The following ADARB2 variants were observed in gnomAD, a reference collection of about 807,000 sequenced individuals.
ADARB2 encodes the protein inactive double-stranded RNA-specific editase B2.
Under a neutral mutation model 62.2 loss-of-function variants are expected in ADARB2, and 25 were observed. The ratio of observed to expected loss-of-function variants is 0.40; its 90% CI spans 0.29 to 0.56. The LOEUF (loss-of-function observed/expected upper bound fraction) is 0.56, where lower values mean the gene tolerates loss of function less well. Ranked by LOEUF, ADARB2 falls within the 20% of genes least tolerant of loss-of-function variation. The pLI is 0.43. For missense variants in ADARB2, 1,071 were observed against 1,077.4 expected, an observed-to-expected ratio of 0.99 and a Z score of 0.08; for synonymous variants, 572 against 500.8, an observed-to-expected ratio of 1.14 and a Z score of -1.90.
chr10:1,371,784 TAAAAA>T (rs71379114), intron 2 of ADARB2, among the ~76,000 whole-genome samples: 2 of 125,802 alleles, frequency 1.6e-5, no homozygotes, highest in Non-Finnish European at 3.3e-5. Context: ...TATTAAAAAG[TAAAAA>T]AAAAAAAAAA....
intron 1 of ADARB2, among the ~76,000 whole-genome samples, chr10:1,463,001 C>G (rs533115876): frequency 6.7e-5 from 8 of 118,748 alleles, no homozygotes; most frequent in African/African-American, 2.6e-4. Flanking sequence ...AGGGAAAGTA[C>G]GTTTCTGGGG....
In ADARB2 at chr10:1,211,708, AGT is replaced by A. The variant is rs568169535; in HGVS notation, c.1682+5241_1682+5242del. On this transcript the variant is annotated intron_variant, in intron 7 of 9. Transcript: ENST00000381312. The stretch of plus-strand genomic sequence containing the variant: ...TCACTGTGGCCAATTTCAAGGGCCC[AGT>A]GTGAGGTCACTGAGCAGGTTTGGGC... Among the ~76,000 whole-genome samples the A allele has an allele frequency of 2.6e-3, 392 of 152,338 alleles. 1 individual carries two copies. The highest frequency in any genetic ancestry group is 8.6e-3 in the African/African-American group (358 of 41,582).
chr10:1,345,676 T>C (rs778730897), intron 3 of ADARB2, among the ~76,000 whole-genome samples: 79 of 152,322 alleles, frequency 5.2e-4, no homozygotes, highest in Non-Finnish European at 8.8e-4. Flanking sequence ...GCACCCCTTC[T>C]TTTTTGAGGG....
intron 1 of ADARB2, among the ~76,000 whole-genome samples, chr10:1,682,959 G>A (rs1339684317): frequency 6.6e-6 from 1 of 152,164 alleles, no homozygotes; most frequent in African/African-American, 2.4e-5. Flanking sequence ...CCGAATGCCG[G>A]CGGTAACACA....
intron 3 of ADARB2, among the ~76,000 whole-genome samples, chr10:1,360,696 C>T (rs529005156): frequency 2.0e-5 from 3 of 152,302 alleles, no homozygotes; most frequent in Non-Finnish European, 2.9e-5. Flanking sequence ...CCTTGGACGC[C>T]GCGTGCAGAG....
intron 3 of ADARB2, among the ~76,000 whole-genome samples, chr10:1,357,750 A>C (rs1431163961): frequency 6.6e-6 from 1 of 152,218 alleles, no homozygotes. Flanking sequence ...ATTGCACCAT[A>C]AAAACAATGA....
intron 3 of ADARB2, among the ~76,000 whole-genome samples, chr10:1,284,537 G>A (rs1339350281): frequency 1.3e-5 from 2 of 152,192 alleles, no homozygotes; most frequent in Non-Finnish European, 2.9e-5. Flanking sequence ...TCCCTGCTGG[G>A]AACTGTTAAC....
At chr10:1,230,895 C>T (rs1275246045) in intron 6 of ADARB2, among the ~76,000 whole-genome samples, 1 of 152,158 alleles carries the variant, frequency 6.6e-6, no homozygotes, top group East Asian at 1.9e-4. Context: ...ATTTTTTCTC[C>T]TACCAGCACC....
chr10:1,310,370 ACTTCATTGACTCTGAATAACATTC>A (rs879348174), intron 3 of ADARB2, among the ~76,000 whole-genome samples: 4,567 of 151,344 alleles, frequency 0.03, 94 homozygotes, highest in African/African-American at 0.038. Flanking sequence ...AATGAGAAAA[ACTTCATTGACTCTGAATAACATTC>A]CTTCATTGAC....
At chr10:1,600,007 A>T (rs998926850) in intron 1 of ADARB2, among the ~76,000 whole-genome samples, 2 of 152,186 alleles carry the variant, frequency 1.3e-5, no homozygotes, top group Non-Finnish European at 2.9e-5. Flanking sequence ...GGCCTCCCAA[A>T]GTGCTGGGAT....
At chr10:1,628,867 C>T (rs184723242) in intron 1 of ADARB2, among the ~76,000 whole-genome samples, 200 of 152,362 alleles carry the variant, frequency 1.3e-3, no homozygotes, top group East Asian at 4.4e-3. Flanking sequence ...CAGCGAATCA[C>T]GGCTGCCCAG....
intron 3 of ADARB2, among the ~76,000 whole-genome samples, chr10:1,328,289 G>C (rs189036139): frequency 6.6e-6 from 1 of 152,222 alleles, no homozygotes; most frequent in African/African-American, 2.4e-5. Flanking sequence ...ACGAAGGGCA[G>C]CATCCAGGAA....
intron 1 of ADARB2, among the ~76,000 whole-genome samples, chr10:1,472,617 C>T (rs1323366583): frequency 6.6e-6 from 1 of 152,234 alleles, no homozygotes; most frequent in Non-Finnish European, 1.5e-5. Context: ...GGCCCAGCAG[C>T]CTCCTGGTCT....
intron 1 of ADARB2, among the ~76,000 whole-genome samples, chr10:1,530,222 G>A (rs1291810338): frequency 6.6e-6 from 1 of 152,206 alleles, no homozygotes; most frequent in East Asian, 1.9e-4. Context: ...CGAGTTGCCC[G>A]ACCGAAACGC....
chr10:1,253,585 CTG>C (rs765367209), intron 4 of ADARB2, among the ~76,000 whole-genome samples: 2 of 152,202 alleles, frequency 1.3e-5, no homozygotes, highest in African/African-American at 2.4e-5. Flanking sequence ...GGATAAAAAA[CTG>C]TGCAGTCTCA....
intron 3 of ADARB2, among the ~76,000 whole-genome samples, chr10:1,309,339 C>A (rs954385378): frequency 5.9e-5 from 9 of 152,174 alleles, no homozygotes; most frequent in African/African-American, 2.2e-4. Flanking sequence ...TGCCTATAGA[C>A]CAAAATCCTC....
At chr10:1,230,175 C>G (rs542072308) in intron 6 of ADARB2, among the ~76,000 whole-genome samples, 1 of 152,138 alleles carries the variant, frequency 6.6e-6, no homozygotes, top group South Asian at 2.1e-4. Context: ...CTGCACTCTG[C>G]GGCCTCTGCA....
Position 1,601,023 on chromosome 10 carries a change from C to T in ADARB2, c.100+136028G>A, listed in dbSNP as rs78914597. On this transcript the variant is annotated intron_variant, in intron 1 of 9. Coordinates refer to ENST00000381312, the MANE Select transcript of ADARB2 (RefSeq NM_018702.4). Reference sequence around the variant, plus strand: ...TGCTCAGTCTCAGAGGCTGATGCTACGTCTAATTCATGAGAGGAAGTGAGC... The same window carrying T: ...TGCTCAGTCTCAGAGGCTGATGCTATGTCTAATTCATGAGAGGAAGTGAGC... Among the ~76,000 whole-genome samples, 16 of 152,272 alleles carry T rather than the reference C, an allele frequency of 1.1e-4. No homozygotes were observed. The East Asian group carries it at 2.1e-3, about 20-fold the overall frequency.
At chr10:1,485,563 A>G (rs1339724872) in intron 1 of ADARB2, among the ~76,000 whole-genome samples, 1 of 152,172 alleles carries the variant, frequency 6.6e-6, no homozygotes, top group South Asian at 2.1e-4. Flanking sequence ...GGGGCAGAAG[A>G]GTCCACCAAG....
Sources: gnomAD v4.1 joint callset for allele counts (sites outside exome capture counted in the v4.1 genomes callset) on GRCh38, gnomAD v4.1.1 for gene constraint, MANE v1.5 for transcripts, NCBI Gene and HGNC (gene_info 2026-07-23, HGNC 2026-07-21) for gene names.